Variants in VDAC1 observed in about 807,000 individuals in gnomAD.
VDAC1 encodes voltage dependent anion channel 1, also known as non-selective voltage-gated ion channel VDAC1.
VDAC1 carries 10 observed loss-of-function variants against 34.7 expected under a neutral mutation model. That is an observed-to-expected ratio of 0.29 (90% confidence interval 0.18 to 0.49). VDAC1 has a LOEUF of 0.49. Among genes scored for constraint, VDAC1 ranks in the 20% least tolerant of loss-of-function variants. VDAC1 has a pLI of 0.99. For synonymous variants in VDAC1, 130 were observed against 136.0 expected, an observed-to-expected ratio of 0.96 and a Z score of 0.30; for missense variants, 230 against 347.9, an observed-to-expected ratio of 0.66 and a Z score of 2.69.
In VDAC1 at chr5:133,972,693, A is replaced by G; in HGVS notation, c.*78T>C. ...GCAATACTTGCATCCCAGACATACA[A>G]CATTAAAAGATACACTAAATTCTGA... On this transcript the variant is annotated 3_prime_UTR_variant, in exon 9 of 9. Coordinates refer to ENST00000265333, the MANE Select transcript of VDAC1 (RefSeq NM_003374.3). 1 of 1,076,230 alleles carries G rather than the reference A, an allele frequency of 9.3e-7. No homozygotes were observed. Among genetic ancestry groups the G allele is most frequent in the Non-Finnish European group, 1.4e-6 (1 of 724,798 alleles). 66.7% of individuals were successfully genotyped at this position (1,076,230 alleles called of 1,614,324 possible).
At chr5:134,032,286 C>T in the VDAC1 span, among the ~76,000 whole-genome samples, 2 of 152,042 alleles carry the variant, frequency 1.3e-5, no homozygotes, top group South Asian at 2.1e-4. Context: ...TGGTTCTGGT[C>T]AAGTTAAACC....
At chr5:133,987,998 T>C (rs977416014) in intron 5 of VDAC1, among the ~76,000 whole-genome samples, 2 of 152,172 alleles carry the variant, frequency 1.3e-5, no homozygotes, top group African/African-American at 2.4e-5. Flanking sequence ...AACAAAATAA[T>C]TGGCCACTCT....
chr5:133,985,984 C>T (rs1448332794), intron 5 of VDAC1, among the ~76,000 whole-genome samples: 1 of 152,240 alleles, frequency 6.6e-6, no homozygotes, highest in Non-Finnish European at 1.5e-5. Context: ...CCACAATCCC[C>T]AAGAGAAAGG....
the VDAC1 span, among the ~76,000 whole-genome samples, chr5:134,013,745 C>A: frequency 2.0e-5 from 3 of 150,826 alleles, no homozygotes; most frequent in Admixed American, 6.6e-5. Flanking sequence ...GAGTTCAAGA[C>A]CATCCTGGCC....
At chr5:133,983,174 G>A (rs571717581) in intron 5 of VDAC1, among the ~76,000 whole-genome samples, 16 of 151,764 alleles carry the variant, frequency 1.1e-4, no homozygotes, top group Admixed American at 2.6e-4. Flanking sequence ...ACTTGAACCC[G>A]GGAGGCGGAG....
chr5:133,992,382 A>G (rs1341310609), intron 2 of VDAC1, 27 bp from the exon 3 acceptor site: 12 of 1,534,388 alleles, frequency 7.8e-6, no homozygotes, highest in Non-Finnish European at 8.8e-6. Flanking sequence ...ACAACTGTCA[A>G]TAGGTTAAAT....
the VDAC1 span, among the ~76,000 whole-genome samples, chr5:134,032,788 T>A: frequency 1.3e-5 from 2 of 152,252 alleles, no homozygotes; most frequent in African/African-American, 4.8e-5. Context: ...TCTCAATGCT[T>A]TGGGCAGCCG....
the VDAC1 span, among the ~76,000 whole-genome samples, chr5:134,095,510 A>C: frequency 2.1e-5 from 3 of 146,122 alleles, no homozygotes; most frequent in African/African-American, 8.3e-5. Context: ...ATAAATAAAT[A>C]AATAAATAAA....
At chr5:134,019,578 T>TCAAACAAA in the VDAC1 span, among the ~76,000 whole-genome samples, 9 of 152,034 alleles carry the variant, frequency 5.9e-5, no homozygotes, top group Non-Finnish European at 1.3e-4. Flanking sequence ...AGACTCTGGC[T>TCAAACAAA]CAAACAAACA....
chr5:134,066,660 T>C, the VDAC1 span, among the ~76,000 whole-genome samples: 1 of 152,242 alleles, frequency 6.6e-6, no homozygotes, highest in Non-Finnish European at 1.5e-5. Context: ...GCCCAGTCTC[T>C]TCCTTTCTTA....
chr5:134,012,091 T>C, the VDAC1 span, among the ~76,000 whole-genome samples: 2 of 151,776 alleles, frequency 1.3e-5, no homozygotes, highest in Non-Finnish European at 2.9e-5. Context: ...AGAGAGAGAT[T>C]GGAGATGCTA....
chr5:134,096,317 G>A, the VDAC1 span, among the ~76,000 whole-genome samples: 1 of 152,240 alleles, frequency 6.6e-6, no homozygotes, highest in Non-Finnish European at 1.5e-5. Context: ...CAGTCCCAGA[G>A]TGCCCTCACC....
chr5:133,988,615 T>C lies in VDAC1; in HGVS notation c.323+2240A>G, dbSNP rs1752989263. 1.3e-5 allele frequency among the ~76,000 whole-genome samples: 2 copies of C among 151,796 alleles called. 1 individual carries two copies. Among genetic ancestry groups the C allele is most frequent in the South Asian group, 4.2e-4 (2 of 4,808 alleles). On this transcript the variant is annotated intron_variant, in intron 5 of 8. Coordinates refer to ENST00000265333, the MANE Select transcript of VDAC1 (RefSeq NM_003374.3). ...CCCGTCTCCACTAAAAATACAAAAA[T>C]TAGCCAGGCATGGTGGCCCGTGTCT... is the stretch of plus-strand genomic sequence containing the variant.
At chr5:133,979,355 T>C (rs1752597469) in intron 6 of VDAC1, among the ~76,000 whole-genome samples, 1 of 152,020 alleles carries the variant, frequency 6.6e-6, no homozygotes, top group Non-Finnish European at 1.5e-5. Context: ...TGTGGTATGT[T>C]TCCTATAGCT....
At chr5:134,110,939 G>A in the VDAC1 span, among the ~76,000 whole-genome samples, 6 of 152,166 alleles carry the variant, frequency 3.9e-5, no homozygotes, top group African/African-American at 1.2e-4. Flanking sequence ...TTTACATGAC[G>A]TTACATGAAG....
upstream of VDAC1, among the ~76,000 whole-genome samples, chr5:134,009,522 G>A (rs768219256): frequency 4.6e-5 from 7 of 151,868 alleles, no homozygotes; most frequent in Admixed American, 1.3e-4. Flanking sequence ...CTCCCAAAGT[G>A]CTGGGATTAC....
the VDAC1 span, among the ~76,000 whole-genome samples, chr5:134,070,063 TA>T: frequency 3.1e-4 from 46 of 148,868 alleles, no homozygotes; most frequent in African/African-American, 7.6e-4. Context: ...TAGCATGTGA[TA>T]AAAAAAAAAC....
At chr5:133,977,350 AT>A (rs1332983467) in intron 6 of VDAC1, among the ~76,000 whole-genome samples, 1 of 152,212 alleles carries the variant, frequency 6.6e-6, no homozygotes, top group African/African-American at 2.4e-5. Flanking sequence ...ACATCATAAA[AT>A]GTCTCCCTCT....
At chr5:134,054,292 C>T in the VDAC1 span, among the ~76,000 whole-genome samples, 1 of 152,076 alleles carries the variant, frequency 6.6e-6, no homozygotes, top group Non-Finnish European at 1.5e-5. Context: ...GGATGAATCT[C>T]CAGCAGGCAG....
Sources: allele counts gnomAD v4.1 joint callset (sites outside exome capture counted in the v4.1 genomes callset), GRCh38; gene constraint gnomAD v4.1.1; transcripts MANE v1.5; gene names NCBI Gene and HGNC (gene_info 2026-07-23, HGNC 2026-07-21).